PHF24: variants seen among roughly 807,000 people sequenced by gnomAD.
The protein encoded by PHF24 is PHD finger protein 24.
In PHF24, 25 loss-of-function variants were observed where a neutral mutation model predicts 42.6. The ratio of observed to expected loss-of-function variants is 0.59; its 90% CI spans 0.43 to 0.82. PHF24 has a LOEUF of 0.82. Ranked by LOEUF, PHF24 falls within the 40% of genes least tolerant of loss-of-function variation. The pLI is 0.00. For missense variants in PHF24, 470 were observed against 538.1 expected (o/e 0.87, Z 1.25); for synonymous variants, 185 against 204.8 (o/e 0.90, Z 0.83).
At chr9:34,845,742 C>A in the PHF24 span, among the ~76,000 whole-genome samples, 1 of 112,194 alleles carries the variant, frequency 8.9e-6, no homozygotes, top group Non-Finnish European at 1.8e-5. Context: ...AAAGCGATCC[C>A]TCCCCCCTCC....
the PHF24 span, among the ~76,000 whole-genome samples, chr9:34,764,506 C>G: frequency 6.6e-6 from 1 of 151,282 alleles, no homozygotes; most frequent in Non-Finnish European, 1.5e-5. Context: ...GTAGTATTCT[C>G]TGATGGTAGT....
At chr9:34,670,346 G>A in the PHF24 span, among the ~76,000 whole-genome samples, 6 of 152,190 alleles carry the variant, frequency 3.9e-5, no homozygotes, top group Admixed American at 1.3e-4. Flanking sequence ...CTTGTGGCTG[G>A]TATCTAAACT....
chr9:34,886,736 A>ATATCTATCTATCTATCTATCTATCTATC, the PHF24 span, among the ~76,000 whole-genome samples: 22 of 148,142 alleles, frequency 1.5e-4, no homozygotes, highest in African/African-American at 5.0e-4. Context: ...TCATGGTTTT[A>ATATCTATCTATCTATCTATCTATCTATC]TATCTATCTA....
the PHF24 span, among the ~76,000 whole-genome samples, chr9:34,763,467 T>C: frequency 1.8e-4 from 27 of 152,302 alleles, no homozygotes; most frequent in Admixed American, 1.0e-3. Context: ...CAATTGTGAA[T>C]GGGAGTTCAC....
the PHF24 span, chr9:34,723,202 A>G: frequency 6.5e-7 from 1 of 1,542,832 alleles, no homozygotes; most frequent in Non-Finnish European, 8.8e-7. Flanking sequence ...TGAGCGGACC[A>G]ATGTTTCTAT....
the PHF24 span, among the ~76,000 whole-genome samples, chr9:34,884,849 T>G: frequency 6.6e-6 from 1 of 152,184 alleles, no homozygotes; most frequent in Non-Finnish European, 1.5e-5. Flanking sequence ...TTCTATGACT[T>G]CCCTGCTAGG....
At chr9:34,832,464 G>A in the PHF24 span, 2 of 1,497,680 alleles carry the variant, frequency 1.3e-6, no homozygotes, top group Non-Finnish European at 1.8e-6. Flanking sequence ...CAGCTTCTGA[G>A]CACGATGAGA....
chr9:34,784,539 A>G, the PHF24 span, among the ~76,000 whole-genome samples: 1 of 152,228 alleles, frequency 6.6e-6, no homozygotes, highest in Non-Finnish European at 1.5e-5. Context: ...CACATAGTTC[A>G]CATGCATAGT....
the PHF24 span, among the ~76,000 whole-genome samples, chr9:34,893,561 G>A: frequency 2.4e-4 from 37 of 151,302 alleles, no homozygotes; most frequent in South Asian, 3.6e-3. Flanking sequence ...AGATTGTGCC[G>A]TTGTACTCCA....
the PHF24 span, chr9:34,892,534 C>G: frequency 2.4e-6 from 1 of 413,136 alleles, no homozygotes. Context: ...TTGAAGATTC[C>G]TCAGGACTTT....
the PHF24 span, among the ~76,000 whole-genome samples, chr9:34,675,673 G>T: frequency 6.6e-6 from 1 of 152,118 alleles, no homozygotes; most frequent in African/African-American, 2.4e-5. Context: ...CCACTGCCAG[G>T]GTTTCCTCAA....
At chr9:34,980,536 G>C (rs989109009) in exon 8 of PHF24, 1 of 152,322 alleles carries the variant, frequency 6.6e-6, no homozygotes, top group African/African-American at 2.4e-5. Flanking sequence ...TTTTACCAAA[G>C]GGGAAGTGCC....
At chr9:34,813,517 C>A in the PHF24 span, among the ~76,000 whole-genome samples, 3 of 152,142 alleles carry the variant, frequency 2.0e-5, no homozygotes, top group Admixed American at 6.6e-5. Flanking sequence ...GGAGGCTTGA[C>A]TGGGGAAGAA....
At chr9:34,822,897 CA>C in the PHF24 span, among the ~76,000 whole-genome samples, 19 of 150,414 alleles carry the variant, frequency 1.3e-4, no homozygotes, top group South Asian at 1.3e-3. Flanking sequence ...CAGTAGGAAG[CA>C]AAAAAAAAGA....
chr9:34,766,070 G>A, the PHF24 span, among the ~76,000 whole-genome samples: 5 of 152,140 alleles, frequency 3.3e-5, no homozygotes, highest in East Asian at 1.9e-4. Context: ...TGAGAGATCC[G>A]CTGTTAGTCT....
At chr9:34,834,364 C>T in the PHF24 span, 2 of 1,551,554 alleles carry the variant, frequency 1.3e-6, no homozygotes, top group Non-Finnish European at 8.7e-7. Flanking sequence ...CCCCGTTGGC[C>T]TCTAGGGCTA....
chr9:34,762,949 T>C, the PHF24 span, among the ~76,000 whole-genome samples: 1 of 152,146 alleles, frequency 6.6e-6, no homozygotes, highest in Non-Finnish European at 1.5e-5. Flanking sequence ...ATTTATTAAA[T>C]AGGGAATCCT....
At chr9:34,726,753 G>A in the PHF24 span, 1 of 1,551,716 alleles carries the variant, frequency 6.4e-7, no homozygotes, top group East Asian at 2.4e-5. Flanking sequence ...GACAGTGAAA[G>A]CTCTCTGGTG....
the PHF24 span, among the ~76,000 whole-genome samples, chr9:34,947,751 C>T: frequency 6.6e-6 from 1 of 151,998 alleles, no homozygotes; most frequent in African/African-American, 2.4e-5. Context: ...TAGGCTAATG[C>T]GTGCGTGTTC....
Sources: gnomAD v4.1 joint callset for allele counts (sites outside exome capture counted in the v4.1 genomes callset) on GRCh38, gnomAD v4.1.1 for gene constraint, MANE v1.5 for transcripts, NCBI Gene and HGNC (gene_info 2026-07-23, HGNC 2026-07-21) for gene names.